The following ZRANB3 variants were observed in gnomAD, a reference collection of about 807,000 sequenced individuals.
The protein encoded by ZRANB3 is DNA annealing helicase and endonuclease ZRANB3.
A neutral mutation model predicts 133.8 loss-of-function variants in ZRANB3; 125 were observed. That is an observed-to-expected ratio of 0.93 (90% CI 0.81 to 1.08). The LOEUF is 1.08. ZRANB3 is among the 50% of genes least tolerant of loss of function. The pLI, the probability that ZRANB3 is intolerant of heterozygous loss-of-function variation, is 0.00. For synonymous variants in ZRANB3, 387 were observed against 432.7 expected (o/e 0.89, Z 1.31); for missense variants, 1,229 against 1,275.5 (o/e 0.96, Z 0.56).
chr2:135,237,954 A>G (rs1196692552), intron 12 of ZRANB3, among the ~76,000 whole-genome samples: 2 of 152,208 alleles, frequency 1.3e-5, no homozygotes, highest in African/African-American at 4.8e-5. Flanking sequence ...AAAAACAAAA[A>G]ACAAAAAAAC....
chr2:135,511,349 A>C lies in ZRANB3; in HGVS notation c.-7-6853T>G, dbSNP rs1299102408. ...CACATTCTTGTTCTGGTTCTGGCTC[A>C]GGATCAGGCTCCAGTTCAGCAACTG... On this transcript the variant is annotated intron_variant, in intron 1 of 20. Coordinates refer to ENST00000264159, the MANE Select transcript of ZRANB3 (RefSeq NM_032143.4). 8 of 830,068 alleles carry C rather than the reference A, an allele frequency of 9.6e-6. No individual in the cohort carries two copies. The East Asian group carries it at 1.2e-4, about 13-fold the overall frequency. 51.4% of individuals were successfully genotyped at this position (830,068 alleles called of 1,614,324 possible).
intron 2 of ZRANB3, among the ~76,000 whole-genome samples, chr2:135,392,852 A>C (rs554330167): frequency 1.4e-4 from 22 of 152,186 alleles, no homozygotes; most frequent in Admixed American, 2.6e-4. Flanking sequence ...TTGTTCAAAA[A>C]GATGTCAGCT....
chr2:135,439,606 G>A (rs1212031608), intron 2 of ZRANB3, among the ~76,000 whole-genome samples: 1 of 152,070 alleles, frequency 6.6e-6, no homozygotes, highest in Non-Finnish European at 1.5e-5. Context: ...CATCACATTC[G>A]TGATTTTAGA....
chr2:135,349,752 TA>T (rs61392821), intron 5 of ZRANB3, among the ~76,000 whole-genome samples: 30,834 of 152,072 alleles, frequency 0.2, 4,969 homozygotes, highest in African/African-American at 0.43. Context: ...AGCCTTATAA[TA>T]AAGGTAAAAG....
chr2:135,465,544 A>G (rs531718864), intron 2 of ZRANB3, among the ~76,000 whole-genome samples: 1 of 152,242 alleles, frequency 6.6e-6, no homozygotes, highest in Non-Finnish European at 1.5e-5. Context: ...TATTCAGTTC[A>G]TGTTCTGAAA....
At chr2:135,260,728 G>A (rs1420169300) in intron 12 of ZRANB3, among the ~76,000 whole-genome samples, 1 of 143,496 alleles carries the variant, frequency 7.0e-6, no homozygotes, top group East Asian at 2.0e-4. Flanking sequence ...ATATATTCAA[G>A]TATATATATC....
chr2:135,253,026 G>A (rs1403368973), intron 12 of ZRANB3, among the ~76,000 whole-genome samples: 1 of 152,092 alleles, frequency 6.6e-6, no homozygotes, highest in African/African-American at 2.4e-5. Flanking sequence ...TCCCCTCTAG[G>A]AATCCTTGAC....
At chr2:135,245,783 G>A (rs111279273) in intron 12 of ZRANB3, among the ~76,000 whole-genome samples, 8,947 of 148,314 alleles carry the variant, frequency 0.06, 537 homozygotes, top group African/African-American at 0.16. Context: ...AAAAATAGCC[G>A]GGCATGGTGG....
At chr2:135,200,488 GGCTACAAAA>G (rs763067249) in intron 20 of ZRANB3, 48 bp from the exon 21 acceptor site, 1 of 1,436,674 alleles carries the variant, frequency 7.0e-7, no homozygotes, top group Admixed American at 2.1e-5. Flanking sequence ...AAAAAGCACC[GGCTACAAAA>G]GCTCAAAAAC....
intron 2 of ZRANB3, among the ~76,000 whole-genome samples, chr2:135,498,398 T>C (rs937754248): frequency 2.6e-5 from 4 of 152,208 alleles, no homozygotes; most frequent in African/African-American, 9.6e-5. Flanking sequence ...TGTGAAGATT[T>C]CATGGACACT....
intron 2 of ZRANB3, among the ~76,000 whole-genome samples, chr2:135,499,263 C>G (rs954580764): frequency 7.9e-5 from 12 of 152,008 alleles, no homozygotes; most frequent in African/African-American, 2.4e-4. Flanking sequence ...GCTGATTTCC[C>G]CAAACAGTAG....
Position 135,507,163 on chromosome 2 carries a change from G to T in ZRANB3, c.-7-2667C>A, listed in dbSNP as rs148760322. On this transcript the variant is annotated intron_variant, in intron 1 of 20. Transcript: ENST00000264159. ...ACATGTAGAGAATAACAGAAATGTA[G>T]AATCAAAATGTGGACCTAGAGTGAT... is the stretch of plus-strand genomic sequence containing the variant. 3.0e-3 allele frequency among the ~76,000 whole-genome samples: 453 copies of T among 152,316 alleles called. 3 individuals are homozygous for T. Among genetic ancestry groups the T allele is most frequent in the African/African-American group, 0.01 (422 of 41,580 alleles).
At chr2:135,497,044 A>G (rs1053157001) in intron 2 of ZRANB3, among the ~76,000 whole-genome samples, 3 of 152,214 alleles carry the variant, frequency 2.0e-5, no homozygotes. Context: ...ACAAAATATC[A>G]AAACTGCAGC....
chr2:135,522,059 C>T (rs1693968967), intron 1 of ZRANB3, among the ~76,000 whole-genome samples: 1 of 152,146 alleles, frequency 6.6e-6, no homozygotes, highest in Non-Finnish European at 1.5e-5. Context: ...AAATAACACT[C>T]CCTTGAAGCA....
intron 8 of ZRANB3, among the ~76,000 whole-genome samples, chr2:135,293,503 G>A (rs1400500970): frequency 1.2e-4 from 18 of 152,136 alleles, no homozygotes; most frequent in African/African-American, 2.2e-4. Flanking sequence ...GGGCTGAGAC[G>A]ATGGGGTTTT....
At chr2:135,286,796 G>A (rs1681394692) in intron 8 of ZRANB3, among the ~76,000 whole-genome samples, 1 of 152,016 alleles carries the variant, frequency 6.6e-6, no homozygotes, top group South Asian at 2.1e-4. Flanking sequence ...ACTTGTTTGA[G>A]TTCCTTGTAG....
chr2:135,496,193 G>T (rs1692655545), intron 2 of ZRANB3, among the ~76,000 whole-genome samples: 1 of 151,660 alleles, frequency 6.6e-6, no homozygotes, highest in Admixed American at 6.6e-5. Flanking sequence ...GACCAGCCTA[G>T]CCAACATGGT....
intron 6 of ZRANB3, among the ~76,000 whole-genome samples, chr2:135,318,212 T>TGTGTG (rs1683348621): frequency 7.3e-6 from 1 of 136,886 alleles, no homozygotes; most frequent in East Asian, 2.1e-4. Context: ...ACACACTATT[T>TGTGTG]TGTGTGTGTG....
intron 11 of ZRANB3, among the ~76,000 whole-genome samples, chr2:135,268,573 A>G (rs2105116332): frequency 6.6e-6 from 1 of 152,360 alleles, no homozygotes; most frequent in East Asian, 1.9e-4. Context: ...TACATTTTCT[A>G]GAGTCTGGGT....
Sources: allele counts gnomAD v4.1 joint callset (sites outside exome capture counted in the v4.1 genomes callset), GRCh38; gene constraint gnomAD v4.1.1; transcripts MANE v1.5; gene names NCBI Gene and HGNC (gene_info 2026-07-23, HGNC 2026-07-21).